The following MYO10 variants were observed in gnomAD, a reference collection of about 807,000 sequenced individuals.
MYO10 encodes the protein myosin X.
Under a neutral mutation model 257.3 loss-of-function variants are expected in MYO10, and 133 were observed. The ratio of observed to expected loss-of-function variants is 0.52; its 90% CI spans 0.45 to 0.60. MYO10 has a LOEUF of 0.60. Ranked by LOEUF, MYO10 falls within the 20% of genes least tolerant of loss-of-function variation. The pLI, the probability that MYO10 is intolerant of heterozygous loss-of-function variation, is 0.00. For missense variants in MYO10, 2,399 were observed against 2,635.7 expected (o/e 0.91, Z 1.97); for synonymous variants, 1,104 against 1,028.6 (o/e 1.07, Z -1.40).
At chr5:16,897,232 G>C (rs1745243125) in intron 1 of MYO10, among the ~76,000 whole-genome samples, 1 of 148,770 alleles carries the variant, frequency 6.7e-6, no homozygotes, top group Non-Finnish European at 1.5e-5. Context: ...AATTATTTTA[G>C]AAGTTCCCAC....
intron 1 of MYO10, among the ~76,000 whole-genome samples, chr5:16,899,447 C>T (rs1745312496): frequency 6.6e-6 from 1 of 151,808 alleles, no homozygotes. Flanking sequence ...CCAGCTTGCC[C>T]AACATGGTGA....
intron 9 of MYO10, among the ~76,000 whole-genome samples, chr5:16,778,307 T>A (rs1741284733): frequency 6.6e-6 from 1 of 152,086 alleles, no homozygotes; most frequent in Non-Finnish European, 1.5e-5. Flanking sequence ...CAAGAGACCA[T>A]GGCATGCCAC....
chr5:16,793,191 G>A (rs1219978362), intron 4 of MYO10, among the ~76,000 whole-genome samples: 1 of 152,184 alleles, frequency 6.6e-6, no homozygotes. Flanking sequence ...CGTCTGCTCT[G>A]AGTATCACCC....
chr5:16,907,379 C>T (rs1295983098), intron 1 of MYO10, among the ~76,000 whole-genome samples: 1 of 151,952 alleles, frequency 6.6e-6, no homozygotes, highest in Non-Finnish European at 1.5e-5. Flanking sequence ...GGTTTCAGCA[C>T]AACAGACTCA....
rs1207592309 is a variant in MYO10, at chr5:16,763,734, T to C, written c.1348A>G (p.Asn450Asp). ...NFEVNHFEQF[N>D]INYANEKLQE... ...AGTTTCTCGTTTGCATAGTTTATAT[T>C]GAACTGTTCAAAGTGATTAACCTAA... The change falls in exon 13 of 41, where the codon AAT (asparagine) becomes GAT (aspartate). Residue 450 changes from asparagine to aspartate, a missense_variant. Asn to Asp is a conservative substitution (Grantham distance 23, BLOSUM62 1). This residue lies in a region of MYO10 where 337 missense variants were observed against 446.8 expected (regional missense o/e 0.75). Transcript: ENST00000513610. 1 of 1,603,464 alleles carries C rather than the reference T, an allele frequency of 6.2e-7. No individual in the cohort carries two copies. The highest frequency in any genetic ancestry group is 1.1e-5 in the South Asian group (1 of 90,390).
intron 2 of MYO10, among the ~76,000 whole-genome samples, chr5:16,874,591 C>T (rs1744545602): frequency 6.6e-6 from 1 of 152,192 alleles, no homozygotes; most frequent in South Asian, 2.1e-4. Context: ...ACAAGAGTCA[C>T]CTCTGCTCCA....
chr5:16,816,451 A>G (rs990302578), intron 3 of MYO10, among the ~76,000 whole-genome samples: 2 of 151,692 alleles, frequency 1.3e-5, no homozygotes, highest in African/African-American at 4.8e-5. Flanking sequence ...TTCTCAGTCT[A>G]AGGGTAGATA....
At chr5:16,790,170 G>A (rs1741711020) in intron 4 of MYO10, among the ~76,000 whole-genome samples, 1 of 151,930 alleles carries the variant, frequency 6.6e-6, no homozygotes, top group Non-Finnish European at 1.5e-5. Flanking sequence ...TCCAGGACAT[G>A]GTTAAGTAGA....
chr5:16,911,425 A>AT (rs1745652764), intron 1 of MYO10, among the ~76,000 whole-genome samples: 1 of 152,126 alleles, frequency 6.6e-6, no homozygotes. Context: ...AAATTTGTAC[A>AT]TTTTCTTAAA....
chr5:16,776,926 AT>A, intron 9 of MYO10, among the ~76,000 whole-genome samples: 1 of 152,296 alleles, frequency 6.6e-6, no homozygotes, highest in Admixed American at 6.5e-5. Flanking sequence ...TTTATCACAA[AT>A]TATTGTTCGT....
chr5:16,798,620 T>G (rs1279229517), intron 3 of MYO10, among the ~76,000 whole-genome samples: 6 of 152,328 alleles, frequency 3.9e-5, no homozygotes, highest in African/African-American at 1.4e-4. Flanking sequence ...AGGCTGTGAG[T>G]GCCTGGCCCC....
chr5:16,830,247 G>C (rs2126717274), intron 2 of MYO10, among the ~76,000 whole-genome samples: 1 of 151,544 alleles, frequency 6.6e-6, no homozygotes, highest in South Asian at 2.1e-4. Flanking sequence ...AAAAAAAAAA[G>C]GGAAAACCAG....
chr5:16,910,979 C>A (rs1364335646), intron 1 of MYO10, among the ~76,000 whole-genome samples: 1 of 152,006 alleles, frequency 6.6e-6, no homozygotes, highest in African/African-American at 2.4e-5. Flanking sequence ...ATTAAGTAAA[C>A]GTTTAAAATA....
intron 19 of MYO10, among the ~76,000 whole-genome samples, chr5:16,754,485 A>T (rs1177204541): frequency 6.6e-6 from 1 of 152,056 alleles, no homozygotes; most frequent in African/African-American, 2.4e-5. Flanking sequence ...AAAAAAAATC[A>T]GCCACCACAC....
rs977245049 is a variant in MYO10, at chr5:16,662,913, T to TC, written c.*3778dup. On this transcript the variant is annotated 3_prime_UTR_variant, in exon 41 of 41. Transcript: ENST00000513610. ...TGCTGTCCACCATGATTGTGAGGCC[T>TC]CCCCAGGCATGTGAGACTGAGTCCA... 5.3e-5 allele frequency: 8 copies of TC among 152,028 alleles called. No homozygotes were observed. Among genetic ancestry groups the TC allele is most frequent in the African/African-American group, 1.9e-4 (8 of 41,424 alleles). The allele number at this position is 152,028 out of a possible 1,614,324, so 9.4% of individuals were successfully genotyped here.
chr5:16,835,642 CCCACACTCTT>C (rs1388955960), intron 2 of MYO10, among the ~76,000 whole-genome samples: 3 of 151,280 alleles, frequency 2.0e-5, no homozygotes, highest in Non-Finnish European at 4.4e-5. Context: ...TAATTATCTC[CCCACACTCTT>C]CCTGTCCACC....
chr5:16,935,700 G>T (rs1026690983), intron 1 of MYO10, 88 bp downstream of exon 1: 96 of 1,552,670 alleles, frequency 6.2e-5, no homozygotes, highest in Non-Finnish European at 8.2e-5. Context: ...CCAGGGCTTA[G>T]GAAAAAGTAC....
intron 5 of MYO10, among the ~76,000 whole-genome samples, chr5:16,782,542 A>G (rs773664765): frequency 1.3e-5 from 2 of 152,250 alleles, no homozygotes; most frequent in African/African-American, 2.4e-5. Context: ...CCGTACACTG[A>G]AAAACAGTTA....
At chr5:16,774,915 A>C (rs868703702) in intron 9 of MYO10, among the ~76,000 whole-genome samples, 2 of 152,310 alleles carry the variant, frequency 1.3e-5, no homozygotes, top group South Asian at 4.1e-4. Context: ...TGCGTACACA[A>C]GGTCACACAC....
Sources: gnomAD v4.1 joint callset for allele counts (sites outside exome capture counted in the v4.1 genomes callset) on GRCh38, gnomAD v4.1.1 for gene constraint, gnomAD v4.1.1 regional missense constraint, MANE v1.5 for transcripts, NCBI Gene and HGNC (gene_info 2026-07-23, HGNC 2026-07-21) for gene names.